Variants in KANK1 observed in about 807,000 individuals in gnomAD.
KANK1 encodes KN motif and ankyrin repeat domain-containing protein 1.
In KANK1, 109 loss-of-function variants were observed where a neutral mutation model predicts 106.2. The ratio of observed to expected loss-of-function variants is 1.03; its 90% CI spans 0.88 to 1.20. The LOEUF is 1.20. Ranked by LOEUF, KANK1 falls within the 50% of genes most tolerant of loss-of-function variation. The probability of loss-of-function intolerance (pLI) is 0.00; values close to 1 mark genes in which losing one functional copy is unlikely to be tolerated. For synonymous variants in KANK1, 873 were observed against 652.2 expected, an observed-to-expected ratio of 1.34 and a Z score of -5.16; for missense variants, 2,399 against 1,710.7, an observed-to-expected ratio of 1.40 and a Z score of -7.10.
intron 1 of KANK1, among the ~76,000 whole-genome samples, chr9:592,125 G>C (rs1327618513): frequency 6.6e-6 from 1 of 151,798 alleles, no homozygotes; most frequent in Admixed American, 6.5e-5. Flanking sequence ...TGTAGGAAAA[G>C]ATGCAAACCT....
intron 1 of KANK1, among the ~76,000 whole-genome samples, chr9:507,395 C>A (rs1301253909): frequency 6.6e-6 from 1 of 151,990 alleles, no homozygotes; most frequent in African/African-American, 2.4e-5. Flanking sequence ...ATATCCCACA[C>A]CCCCAGCCCT....
At chr9:603,321 C>G (rs1367238398) in intron 1 of KANK1, among the ~76,000 whole-genome samples, 1 of 151,836 alleles carries the variant, frequency 6.6e-6, no homozygotes, top group Non-Finnish European at 1.5e-5. Context: ...ACGTGGCTGG[C>G]TGACTTTGAC....
At position 731,231 on chromosome 9, in the gene KANK1, A is replaced by T; in HGVS notation, c.2970A>T (p.Ala990=). 1 of 1,609,726 alleles carries T rather than the reference A, an allele frequency of 6.2e-7. No homozygotes were observed. Among genetic ancestry groups the T allele is most frequent in the South Asian group, 1.1e-5 (1 of 90,900 alleles). Residue 990 remains alanine, a synonymous_variant, in exon 5 of 12, where the codon GCA becomes GCT. Transcript: ENST00000382297. ...KKDGNKDSNG[A]KKNLQFVGIN... ...ATGGTAACAAAGATTCAAATGGCGC[A>T]AAAAAGAATCTTCAGTTTGTTGGCA... is the stretch of plus-strand genomic sequence containing the variant.
At chr9:658,524 A>G (rs907212064) in intron 1 of KANK1, among the ~76,000 whole-genome samples, 3 of 152,064 alleles carry the variant, frequency 2.0e-5, no homozygotes, top group African/African-American at 7.2e-5. Flanking sequence ...TTTTATTTCT[A>G]TGGCTCTTAC....
intron 1 of KANK1, among the ~76,000 whole-genome samples, chr9:621,614 A>G (rs932154821): frequency 6.6e-6 from 1 of 152,144 alleles, no homozygotes; most frequent in South Asian, 2.1e-4. Flanking sequence ...CTGAAACTTG[A>G]TAATCCATTT....
intron 1 of KANK1, among the ~76,000 whole-genome samples, chr9:614,679 G>C (rs192433536): frequency 2.0e-5 from 3 of 152,106 alleles, no homozygotes; most frequent in African/African-American, 4.8e-5. Flanking sequence ...ATGCATTTCC[G>C]TGTGCCTCCT....
chr9:589,153 C>G (rs367866898), intron 1 of KANK1, among the ~76,000 whole-genome samples: 1 of 152,174 alleles, frequency 6.6e-6, no homozygotes, highest in African/African-American at 2.4e-5. Context: ...GCTGCCAGTG[C>G]ACTTCCACAC....
intron 3 of KANK1, among the ~76,000 whole-genome samples, chr9:493,605 TG>T (rs2058412820): frequency 7.1e-6 from 1 of 141,606 alleles, no homozygotes; most frequent in African/African-American, 2.8e-5. Context: ...TGGAGTGCAG[TG>T]GGGTGATCTC....
At chr9:628,639 T>C (rs1454747250) in intron 1 of KANK1, among the ~76,000 whole-genome samples, 1 of 152,078 alleles carries the variant, frequency 6.6e-6, no homozygotes, top group African/African-American at 2.4e-5. Context: ...TGACTTAGGA[T>C]TCAAATCTTC....
rs544698446 is a variant in KANK1 at position 700,020 on chromosome 9, C to T, written c.38-10784C>T. Among the ~76,000 whole-genome samples, 23 of 152,246 alleles carry T rather than the reference C, an allele frequency of 1.5e-4. No homozygotes were observed. The South Asian group carries it at 2.3e-3, about 15-fold the overall frequency. On this transcript the variant is annotated intron_variant, in intron 2 of 11. Coordinates refer to ENST00000382297, the MANE Select transcript of KANK1 (RefSeq NM_015158.5). ...GAATACATACTTACCTACCTACCTA[C>T]GTATAACCTGAAGAGGTATTGGTGA...
At chr9:698,208 C>G (rs1244373270) in intron 2 of KANK1, among the ~76,000 whole-genome samples, 1 of 152,178 alleles carries the variant, frequency 6.6e-6, no homozygotes, top group African/African-American at 2.4e-5. Flanking sequence ...CACTTGTTGG[C>G]TGTCAGGGTC....
At chr9:583,121 G>A (rs1822583374) in intron 1 of KANK1, among the ~76,000 whole-genome samples, 1 of 152,150 alleles carries the variant, frequency 6.6e-6, no homozygotes, top group African/African-American at 2.4e-5. Context: ...GGCAGAAATG[G>A]GAGTAGTCCC....
intron 1 of KANK1, among the ~76,000 whole-genome samples, chr9:552,687 T>C (rs1379001649): frequency 1.3e-5 from 2 of 152,218 alleles, no homozygotes; most frequent in East Asian, 3.8e-4. Context: ...TGCTCAAGTC[T>C]GTACTATGCC....
Position 712,617 on chromosome 9 carries a change from G to C in KANK1, c.1851G>C (p.Lys617Asn), listed in dbSNP as rs369123187. The C allele has an allele frequency of 3.7e-6, 6 of 1,614,074 alleles. No homozygotes were observed. In the South Asian group the frequency reaches 6.6e-5, roughly 18 times the overall value. The change falls in exon 3 of 12, where the codon AAG becomes AAC. Residue 617 changes from lysine (K) to asparagine (N), a missense_variant. Coordinates refer to ENST00000382297, the MANE Select transcript of KANK1 (RefSeq NM_015158.5). ...EESVNDLTLL[K>N]TNLNLKEVRS... ...CTGTGAACGACCTCACACTCCTCAA[G>C]ACAAACTTGAATCTCAAAGAAGTGC...
At position 570,272 on chromosome 9, in the gene KANK1, G is replaced by A. The variant is rs143102692; in HGVS notation, c.-84+65518G>A. ...ATTTTAAATCCGTAGCTGTATTTTC[G>A]TCACAATGAAAATTTGATGTCCTTA... On this transcript the variant is annotated intron_variant, in intron 1 of 11. Transcript: ENST00000382297. Among the ~76,000 whole-genome samples, 15 of 152,232 alleles carry A rather than the reference G, an allele frequency of 9.9e-5. No individual in the cohort carries two copies. The Middle Eastern group carries it at 0.014, about 138-fold the overall frequency.
At chr9:685,817 C>A (rs746190609) in intron 2 of KANK1, among the ~76,000 whole-genome samples, 2 of 152,168 alleles carry the variant, frequency 1.3e-5, no homozygotes, top group Non-Finnish European at 2.9e-5. Flanking sequence ...AATTTAGTCT[C>A]ACAATATTTG....
At chr9:508,009 C>T (rs543816224) in intron 1 of KANK1, among the ~76,000 whole-genome samples, 31 of 149,760 alleles carry the variant, frequency 2.1e-4, no homozygotes, top group Admixed American at 6.0e-4. Context: ...TTGTTAGAGA[C>T]GGGGGTTTTA....
intron 1 of KANK1, among the ~76,000 whole-genome samples, chr9:665,103 C>G (rs1844267487): frequency 6.6e-6 from 1 of 152,140 alleles, no homozygotes; most frequent in Non-Finnish European, 1.5e-5. Context: ...TACTTTCTCT[C>G]ATTCTATGGG....
chr9:552,948 C>T (rs1587745300), intron 1 of KANK1, among the ~76,000 whole-genome samples: 1 of 152,226 alleles, frequency 6.6e-6, no homozygotes, highest in East Asian at 1.9e-4. Context: ...AGTTTGAGAC[C>T]AGCCTGGGCA....
Sources: gnomAD v4.1 joint callset for allele counts (sites outside exome capture counted in the v4.1 genomes callset) on GRCh38, gnomAD v4.1.1 for gene constraint, MANE v1.5 for transcripts, NCBI Gene and HGNC (gene_info 2026-07-23, HGNC 2026-07-21) for gene names.